Variants in BTBD16 observed in about 807,000 individuals in gnomAD.
BTBD16 encodes the protein BTB domain containing 16, also known as BTB/POZ domain-containing protein 16.
BTBD16 carries 66 observed loss-of-function variants against 67.4 expected under a neutral mutation model. The observed-to-expected ratio is 0.98, with a 90% CI of 0.80 to 1.20. BTBD16 has a LOEUF of 1.20. Among genes scored for constraint, BTBD16 ranks in the 50% most tolerant of loss-of-function variants. BTBD16 has a pLI of 0.00. For synonymous variants in BTBD16, 242 were observed against 236.4 expected (o/e 1.02, Z -0.22); for missense variants, 634 against 616.0 (o/e 1.03, Z -0.31).
intron 10 of BTBD16, among the ~76,000 whole-genome samples, chr10:122,328,589 G>A (rs1219596832): frequency 6.6e-6 from 1 of 152,174 alleles, no homozygotes; most frequent in African/African-American, 2.4e-5. Context: ...CTGGGACAGG[G>A]TGTGACTTGG....
intron 2 of BTBD16, among the ~76,000 whole-genome samples, chr10:122,275,472 C>T (rs1207207090): frequency 1.3e-5 from 2 of 152,322 alleles, no homozygotes; most frequent in African/African-American, 2.4e-5. Flanking sequence ...TCCCCACCAT[C>T]GCCATCCTCA....
At chr10:122,282,619 T>G (rs2096355425) in intron 3 of BTBD16, among the ~76,000 whole-genome samples, 1 of 152,246 alleles carries the variant, frequency 6.6e-6, no homozygotes, top group Non-Finnish European at 1.5e-5. Flanking sequence ...ACTCAAATTT[T>G]GTTTCACTTC....
chr10:122,316,002 C>T (rs2096423546), intron 10 of BTBD16, among the ~76,000 whole-genome samples: 1 of 152,156 alleles, frequency 6.6e-6, no homozygotes, highest in Admixed American at 6.5e-5. Flanking sequence ...CACGGTGGCT[C>T]ATGCCTGTAA....
intron 13 of BTBD16, 187 bp downstream of exon 13, chr10:122,332,700 C>A: frequency 3.0e-6 from 2 of 672,476 alleles, no homozygotes; most frequent in Non-Finnish European, 3.7e-6. Context: ...AAGGGAGGGG[C>A]CTGGGGCGGG....
At chr10:122,330,284 A>G (rs935590188) in intron 11 of BTBD16, among the ~76,000 whole-genome samples, 3 of 152,150 alleles carry the variant, frequency 2.0e-5, no homozygotes, top group Non-Finnish European at 4.4e-5. Flanking sequence ...GGGGAACACT[A>G]ACTCTTCCCC....
At chr10:122,316,126 G>A (rs1355271187) in intron 10 of BTBD16, among the ~76,000 whole-genome samples, 1 of 152,092 alleles carries the variant, frequency 6.6e-6, no homozygotes, top group Non-Finnish European at 1.5e-5. Flanking sequence ...AATTAGCCAG[G>A]CATGGTGGTG....
intron 10 of BTBD16, among the ~76,000 whole-genome samples, chr10:122,312,309 C>CTTTTTTTTTTTTT (rs58045019): frequency 4.9e-4 from 52 of 105,598 alleles, no homozygotes; most frequent in Non-Finnish European, 7.2e-4. Context: ...TTTTCTTTTT[C>CTTTTTTTTTTTTT]TTTTTTTTTT....
rs1200855997 is a variant in BTBD16, at chr10:122,287,322, T to C, written c.385+1074T>C. The C allele has an allele frequency of 1.5e-5, 9 of 613,834 alleles. No individual in the cohort carries two copies. The East Asian group carries it at 9.9e-4, about 67-fold the overall frequency. The allele number at this position is 613,834 out of a possible 1,614,324, so 38.0% of individuals were successfully genotyped here. A position where few individuals can be genotyped will look rare whatever the true frequency, so the allele number is the denominator to read the frequency against. ...TGAAAGGCTCTGGTGAGCCAGACAG[T>C]GAGTTCATGGAAAAGCAGGAGAATT... On this transcript the variant is annotated intron_variant, in intron 5 of 15. Coordinates refer to ENST00000260723, the MANE Select transcript of BTBD16 (RefSeq NM_144587.5).
chr10:122,320,182 C>A (rs1307834248), intron 10 of BTBD16, among the ~76,000 whole-genome samples: 1 of 151,914 alleles, frequency 6.6e-6, no homozygotes, highest in Non-Finnish European at 1.5e-5. Flanking sequence ...ATCTGTATGC[C>A]TGTTTTTGTT....
intron 10 of BTBD16, among the ~76,000 whole-genome samples, chr10:122,309,444 A>G (rs2096409634): frequency 6.6e-6 from 1 of 151,684 alleles, no homozygotes; most frequent in Non-Finnish European, 1.5e-5. Context: ...TCCCAGGTTC[A>G]AGCAATTCTC....
At chr10:122,308,246 T>C (rs2096407165) in intron 10 of BTBD16, among the ~76,000 whole-genome samples, 1 of 152,036 alleles carries the variant, frequency 6.6e-6, no homozygotes, top group African/African-American at 2.4e-5. Context: ...GAGAAGGGAG[T>C]TAAGGTGTGG....
Position 122,331,192 on chromosome 10 carries a change from G to C in BTBD16, c.1020G>C (p.Val340=), listed in dbSNP as rs895351425. Reference sequence around the variant, plus strand: ...TCTTCCCAGGCAAGGATCTGGAGGTGCTGCGGCACCTTAACTTCTTCCCAG... The same window carrying C: ...TCTTCCCAGGCAAGGATCTGGAGGTCCTGCGGCACCTTAACTTCTTCCCAG... The part of the protein sequence containing the change: ...HGITKGKDLE[V]LRHLNFFPES... Residue 340 remains valine (V), a synonymous_variant, in exon 12 of 16, where the codon GTG becomes GTC. Transcript: ENST00000260723. The C allele has an allele frequency of 1.2e-6, 2 of 1,613,106 alleles. No individual in the cohort carries two copies. Among genetic ancestry groups the C allele is most frequent in the Non-Finnish European group, 1.7e-6 (2 of 1,179,644 alleles).
At chr10:122,290,139 G>A (rs183640190) in intron 6 of BTBD16, 141 bp downstream of exon 6, 171 of 577,318 alleles carry the variant, frequency 3.0e-4, no homozygotes, top group Middle Eastern at 1.8e-3. Flanking sequence ...AGGCCCGAAC[G>A]TGCAAAGAAA....
intron 5 of BTBD16, 102 bp downstream of exon 5, chr10:122,286,350 G>C: frequency 6.8e-7 from 1 of 1,462,332 alleles, no homozygotes; most frequent in African/African-American, 1.4e-5. Context: ...GGTCACTCTA[G>C]CAGTCAAGAG....
rs908342522 is a variant in BTBD16, at chr10:122,271,334, A to C, written c.-223A>C. The C allele has an allele frequency of 6.6e-6, 1 of 152,240 alleles. No individual in the cohort carries two copies. 9.4% of individuals were successfully genotyped at this position (152,240 alleles called of 1,614,324 possible). On this transcript the variant is annotated 5_prime_UTR_variant, in exon 1 of 16. Coordinates refer to ENST00000260723, the MANE Select transcript of BTBD16 (RefSeq NM_144587.5). ...AAACCAAGGCAAGCTCCCCCTGTCA[A>C]AGCACCTTGGCCCATAAGAAGAAAA...
chr10:122,318,582 CTA>C (rs1329280438), intron 10 of BTBD16, among the ~76,000 whole-genome samples: 1 of 151,856 alleles, frequency 6.6e-6, no homozygotes, highest in African/African-American at 2.4e-5. Flanking sequence ...TGTGGTTGGA[CTA>C]TTTTTTTTGT....
chr10:122,315,059 C>T (rs1304984299), intron 10 of BTBD16, among the ~76,000 whole-genome samples: 1 of 152,148 alleles, frequency 6.6e-6, no homozygotes, highest in African/African-American at 2.4e-5. Flanking sequence ...AAATCCCCTT[C>T]TATTTCTAGA....
chr10:122,295,769 G>A (rs2096382018), intron 7 of BTBD16, among the ~76,000 whole-genome samples: 1 of 152,170 alleles, frequency 6.6e-6, no homozygotes, highest in Admixed American at 6.5e-5. Flanking sequence ...GGTTTCCCCA[G>A]TACTCAAGAC....
At chr10:122,328,131 G>A (rs2096448544) in intron 10 of BTBD16, among the ~76,000 whole-genome samples, 1 of 152,168 alleles carries the variant, frequency 6.6e-6, no homozygotes, top group African/African-American at 2.4e-5. Flanking sequence ...TGAAAAATAG[G>A]CAGAAGAAGG....
Sources: allele counts gnomAD v4.1 joint callset (sites outside exome capture counted in the v4.1 genomes callset), GRCh38; gene constraint gnomAD v4.1.1; transcripts MANE v1.5; gene names NCBI Gene and HGNC (gene_info 2026-07-23, HGNC 2026-07-21).